The following LAMA3 variants were observed in gnomAD, a reference collection of about 807,000 sequenced individuals.
The protein encoded by LAMA3 is laminin subunit alpha-3.
LAMA3 carries 281 observed loss-of-function variants against 402.0 expected under a neutral mutation model. That is an observed-to-expected ratio of 0.70 (90% confidence interval 0.63 to 0.77). The LOEUF is 0.77. Ranked by LOEUF, LAMA3 falls within the 30% of genes least tolerant of loss-of-function variation. The pLI is 0.00. For synonymous variants in LAMA3, 1,431 were observed against 1,558.4 expected (o/e 0.92, Z 1.93); for missense variants, 3,840 against 4,215.5 (o/e 0.91, Z 2.47).
At chr18:23,716,560 T>A (rs1282770943) in intron 2 of LAMA3, among the ~76,000 whole-genome samples, 1 of 152,228 alleles carries the variant, frequency 6.6e-6, no homozygotes, top group Non-Finnish European at 1.5e-5. Context: ...CTTGTTCTTT[T>A]TTCTTTAGAA....
intron 42 of LAMA3, among the ~76,000 whole-genome samples, chr18:23,893,930 T>C (rs1438118144): frequency 1.3e-5 from 2 of 152,192 alleles, no homozygotes; most frequent in African/African-American, 2.4e-5. Context: ...TCGAGACGTT[T>C]GATTTGATAA....
rs144140105 is a variant in LAMA3 at position 23,946,891 on chromosome 18, T to C, written c.9351+607T>C. 155 of 155,554 alleles carry C rather than the reference T, an allele frequency of 1.0e-3. 3 individuals carry two copies. The East Asian group carries it at 0.024, about 24-fold the overall frequency. The allele number at this position is 155,554 out of a possible 1,614,324, so 9.6% of individuals were successfully genotyped here. A position where few individuals can be genotyped will look rare whatever the true frequency, so the allele number is the denominator to read the frequency against. On this transcript the variant is annotated intron_variant, in intron 70 of 74. Coordinates refer to ENST00000313654, the MANE Select transcript of LAMA3 (RefSeq NM_198129.4). ...CTTGGAGAAAAAGGTGCTTAACACG[T>C]AATCAAGAGGGTGTTTAAGACATAC...
Position 23,914,544 on chromosome 18 carries a change from T to A in LAMA3, c.7464T>A (p.Asp2488Glu). The A allele has an allele frequency of 6.2e-7, 1 of 1,614,176 alleles. No individual in the cohort carries two copies. Among genetic ancestry groups the A allele is most frequent in the East Asian group, 2.2e-5 (1 of 44,884 alleles). Residue 2488 changes from aspartate (D) to glutamate (E), a missense_variant, in exon 57 of 75, where the codon GAT (aspartate) becomes GAA (glutamate). By Grantham distance (45) the Asp-to-Glu change is conservative. This residue lies in a region of LAMA3 where 891 missense variants were observed against 857.5 expected (regional missense o/e 1.04). Coordinates refer to ENST00000313654, the MANE Select transcript of LAMA3 (RefSeq NM_198129.4). ...TKSETKEAVM[D>E]RVKFQRIYQF... ...GTGAGACTAAGGAGGCAGTTATGGA[T>A]CGGGTGAAATTTCAGAGGTACAAGT...
At chr18:23,811,067 G>T (rs1364123963) in intron 13 of LAMA3, among the ~76,000 whole-genome samples, 1 of 152,118 alleles carries the variant, frequency 6.6e-6, no homozygotes, top group East Asian at 1.9e-4. Flanking sequence ...TGGAGTCTAT[G>T]CAGTTTGGAG....
At chr18:23,869,450 G>T (rs184747494) in intron 37 of LAMA3, among the ~76,000 whole-genome samples, 3 of 152,246 alleles carry the variant, frequency 2.0e-5, no homozygotes, top group Admixed American at 2.0e-4. Flanking sequence ...TAAGGTAATA[G>T]AAATGTTCTA....
rs1476787212 is a variant in LAMA3 at position 23,842,449 on chromosome 18, A to G, written c.3391A>G (p.Ile1131Val). The G allele has an allele frequency of 6.2e-7, 1 of 1,613,922 alleles. No homozygotes were observed. Among genetic ancestry groups the G allele is most frequent in the Non-Finnish European group, 8.5e-7 (1 of 1,180,000 alleles). Residue 1131 changes from isoleucine to valine, a missense_variant, in exon 28 of 75, where the codon ATC becomes GTC. Coordinates refer to ENST00000313654, the MANE Select transcript of LAMA3 (RefSeq NM_198129.4). ...VPHLGRYVFV[I>V]HFYQAAHPTF... ...ACACCTGGGCCGATACGTCTTTGTC[A>G]TCCATTTTTACCAAGCAGCGCACCC...
At chr18:23,932,561 A>G (rs1469859503) in intron 66 of LAMA3, 4 of 394,536 alleles carry the variant, frequency 1.0e-5, no homozygotes, top group South Asian at 2.3e-5. Flanking sequence ...ATGGCCCGGA[A>G]AAGTATTCAC....
chr18:23,763,531 A>G lies in LAMA3; in HGVS notation c.1182+8A>G, dbSNP rs182122003. On this transcript the variant is annotated splice_region_variant and intron_variant, in intron 8 of 74. Coordinates refer to ENST00000313654, the MANE Select transcript of LAMA3 (RefSeq NM_198129.4). Reference sequence around the variant, plus strand: ...GTCTGCATTAACTGTCAGGTGAGGCACTATTTAAATCAAAGTGGATGTGTT... The same window carrying G: ...GTCTGCATTAACTGTCAGGTGAGGCGCTATTTAAATCAAAGTGGATGTGTT... The G allele has an allele frequency of 1.2e-5, 18 of 1,505,530 alleles. No individual in the cohort carries two copies. The East Asian group carries it at 3.2e-4, about 26-fold the overall frequency. 93.3% of individuals were successfully genotyped at this position (1,505,530 alleles called of 1,614,324 possible). A position where few individuals can be genotyped will look rare whatever the true frequency, so the allele number is the denominator to read the frequency against.
At chr18:23,895,315 T>C (rs573265568) in intron 44 of LAMA3, among the ~76,000 whole-genome samples, 1 of 152,358 alleles carries the variant, frequency 6.6e-6, no homozygotes, top group South Asian at 2.1e-4. Context: ...TTCAGTATCT[T>C]GCATTCAGAA....
intron 8 of LAMA3, among the ~76,000 whole-genome samples, chr18:23,771,004 C>A (rs1056734476): frequency 6.6e-6 from 1 of 150,714 alleles, no homozygotes; most frequent in East Asian, 1.9e-4. Flanking sequence ...TTTGGGAAAA[C>A]GGCCATTTAA....
intron 23 of LAMA3, among the ~76,000 whole-genome samples, chr18:23,831,040 A>G (rs2063481351): frequency 6.6e-6 from 1 of 152,144 alleles, no homozygotes; most frequent in Non-Finnish European, 1.5e-5. Flanking sequence ...TCCCGCACCC[A>G]AACTAATCTA....
intron 2 of LAMA3, among the ~76,000 whole-genome samples, chr18:23,716,775 G>A (rs1370805912): frequency 6.6e-6 from 1 of 152,200 alleles, no homozygotes; most frequent in African/African-American, 2.4e-5. Flanking sequence ...GGGTTCTGGA[G>A]TCAGCCTGGC....
chr18:23,882,503 G>A (rs761070774), intron 40 of LAMA3, among the ~76,000 whole-genome samples: 6 of 151,842 alleles, frequency 4.0e-5, no homozygotes, highest in African/African-American at 1.5e-4. Context: ...CCAGCTATTC[G>A]GGAGGCTGAG....
intron 60 of LAMA3, among the ~76,000 whole-genome samples, chr18:23,917,531 A>C (rs1408905555): frequency 6.6e-6 from 1 of 152,036 alleles, no homozygotes; most frequent in Non-Finnish European, 1.5e-5. Context: ...ACCAGCATCT[A>C]TTATTTTTTG....
chr18:23,732,810 T>C (rs750932848), intron 2 of LAMA3, among the ~76,000 whole-genome samples: 6 of 152,074 alleles, frequency 3.9e-5, no homozygotes, highest in African/African-American at 7.2e-5. Context: ...GAGATAATAA[T>C]AGTACTGACA....
chr18:23,847,785 C>T, intron 32 of LAMA3, 117 bp downstream of exon 32: 5 of 1,049,346 alleles, frequency 4.8e-6, no homozygotes, highest in Non-Finnish European at 7.1e-6. Context: ...CCTGTGTTGA[C>T]CTCGGCATGA....
In LAMA3 at chr18:23,939,420, C is replaced by G. The variant is rs760284914; in HGVS notation, c.9026+34C>G. The G allele has an allele frequency of 9.3e-6, 15 of 1,607,150 alleles. No individual in the cohort carries two copies. The South Asian group carries it at 1.5e-4, about 16-fold the overall frequency. On this transcript the variant is annotated intron_variant, in intron 68 of 74. Coordinates refer to ENST00000313654, the MANE Select transcript of LAMA3 (RefSeq NM_198129.4). ...TAGCTTTCCTGCCCCAGCACCAGCT[C>G]AGAACCTGACTCTGCGATTCCACCT...
In LAMA3 at chr18:23,907,645, G is replaced by C; in HGVS notation, c.6814G>C (p.Gly2272Arg). 6.2e-7 allele frequency: 1 copy of C among 1,612,694 alleles called. No individual in the cohort carries two copies. The highest frequency in any genetic ancestry group is 8.5e-7 in the Non-Finnish European group (1 of 1,178,668). Residue 2272 changes from glycine (G) to arginine (R), a missense_variant, in exon 53 of 75, where the codon GGT becomes CGT. Physicochemically the swap from Gly to Arg is moderately radical, Grantham distance 125 (BLOSUM62 -2). Transcript: ENST00000313654. ...CACCAATCTCACAACTCTCCGAGAT[G>C]GTCTTCATGGGATACAGAGAGGTCA... ...IDTNLTTLRD[G>R]LHGIQRGDID...
At chr18:23,705,845 C>T (rs1348914228) in intron 1 of LAMA3, among the ~76,000 whole-genome samples, 1 of 152,106 alleles carries the variant, frequency 6.6e-6, no homozygotes, top group Non-Finnish European at 1.5e-5. Context: ...TAGTAATAAG[C>T]ATTCATGAAC....
Sources: gnomAD v4.1 joint callset for allele counts (sites outside exome capture counted in the v4.1 genomes callset) on GRCh38, gnomAD v4.1.1 for gene constraint, gnomAD v4.1.1 regional missense constraint, MANE v1.5 for transcripts, NCBI Gene and HGNC (gene_info 2026-07-23, HGNC 2026-07-21) for gene names.